Variants in MAP1LC3B observed in about 807,000 individuals in gnomAD.
MAP1LC3B encodes microtubule-associated protein 1 light chain 3 beta.
MAP1LC3B carries 12 observed loss-of-function variants against 16.7 expected under a neutral mutation model. The ratio of observed to expected loss-of-function variants is 0.72; its 90% CI spans 0.46 to 1.16. The LOEUF is 1.16. Ranked by LOEUF, MAP1LC3B falls within the 50% of genes most tolerant of loss-of-function variation. The pLI, the probability that MAP1LC3B is intolerant of heterozygous loss-of-function variation, is 0.00. For synonymous variants in MAP1LC3B, 63 were observed against 56.5 expected, an observed-to-expected ratio of 1.11 and a Z score of -0.51; for missense variants, 155 against 159.5, an observed-to-expected ratio of 0.97 and a Z score of 0.15.
Position 87,398,807 on chromosome 16 carries a change from C to T in MAP1LC3B, c.41-8C>T, listed in dbSNP as rs1597389955. The T allele has an allele frequency of 1.9e-6, 3 of 1,613,984 alleles. No homozygotes were observed. The highest frequency in any genetic ancestry group is 1.1e-5 in the South Asian group (1 of 91,074). ...TAGTAATGCTTCTGTCTCTTCATTT[C>T]ATTGCAGAACAAAGAGTAGAAGATG... On this transcript the variant is annotated splice_polypyrimidine_tract_variant and splice_region_variant and intron_variant, in intron 1 of 3. Transcript: ENST00000268607.
At chr16:87,402,810 G>A (rs1166737479) in intron 3 of MAP1LC3B, 113 bp from the exon 4 acceptor site, 2 of 1,256,400 alleles carry the variant, frequency 1.6e-6, no homozygotes, top group African/African-American at 1.5e-5. Flanking sequence ...TTGGATTCAA[G>A]AGCATTTAGA....
chr16:87,395,528 A>G (rs1425440731), intron 1 of MAP1LC3B, among the ~76,000 whole-genome samples: 1 of 152,128 alleles, frequency 6.6e-6, no homozygotes, highest in Non-Finnish European at 1.5e-5. Context: ...TGTTAAATAT[A>G]CTGTTAGCCT....
In MAP1LC3B at chr16:87,403,120, C is replaced by A. The variant is rs1908055655; in HGVS notation, c.*23C>A. 6.3e-7 allele frequency: 1 copy of A among 1,576,990 alleles called. No homozygotes were observed. Among genetic ancestry groups the A allele is most frequent in the Admixed American group, 1.9e-5 (1 of 51,376 alleles). On this transcript the variant is annotated 3_prime_UTR_variant, in exon 4 of 4. Coordinates refer to ENST00000268607, the MANE Select transcript of MAP1LC3B (RefSeq NM_022818.5). ...TAAAACCAGAAAAAATGCAGCTCTTCTAGAATTGTTTAAACCCTTACCAAG... is the reference window on the plus strand; with the variant it reads ...TAAAACCAGAAAAAATGCAGCTCTTATAGAATTGTTTAAACCCTTACCAAG...
chr16:87,395,953 T>C (rs569301269), intron 1 of MAP1LC3B, among the ~76,000 whole-genome samples: 1 of 143,936 alleles, frequency 6.9e-6, no homozygotes, highest in South Asian at 2.3e-4. Context: ...CTCCGCCTCC[T>C]GGGTTCAAGT....
rs1239320436 is a variant in MAP1LC3B at position 87,402,972 on chromosome 16, G to A, written c.253G>A (p.Gly85Arg). Residue 85 changes from glycine to arginine, a missense_variant, in exon 4 of 4, where the codon GGA becomes AGA. Gly to Arg is a moderately radical substitution (Grantham distance 125, BLOSUM62 -2). Transcript: ENST00000268607. ...ANQAFFLLVN[G>R]HSMVSVSTPI... ...TCAGGCCTTCTTCCTGTTGGTGAAC[G>A]GACACAGCATGGTCAGCGTCTCCAC... 5.0e-6 allele frequency: 8 copies of A among 1,613,818 alleles called. No individual in the cohort carries two copies. In the East Asian group the frequency reaches 1.1e-4, roughly 22 times the overall value.
intron 1 of MAP1LC3B, among the ~76,000 whole-genome samples, chr16:87,397,634 TAA>T (rs1283792004): frequency 6.6e-6 from 1 of 152,094 alleles, no homozygotes; most frequent in Non-Finnish European, 1.5e-5. Flanking sequence ...AGAATGATAC[TAA>T]AATTTTTTTT....
In MAP1LC3B at chr16:87,392,414, C is replaced by A. The variant is rs778769086; in HGVS notation, c.-14C>A. On this transcript the variant is annotated 5_prime_UTR_variant, in exon 1 of 4. Coordinates refer to ENST00000268607, the MANE Select transcript of MAP1LC3B (RefSeq NM_022818.5). ...TCGCGTCGTCGCCGCCGCCGCCGCC[C>A]AGATCCCTGCACCATGCCGTCGGAG... 1.4e-6 allele frequency: 2 copies of A among 1,428,238 alleles called. No individual in the cohort carries two copies. Among genetic ancestry groups the A allele is most frequent in the Non-Finnish European group, 1.8e-6 (2 of 1,100,000 alleles). 88.5% of individuals were successfully genotyped at this position (1,428,238 alleles called of 1,614,324 possible). A position where few individuals can be genotyped will look rare whatever the true frequency, so the allele number is the denominator to read the frequency against.
chr16:87,402,999 C>G lies in MAP1LC3B; in HGVS notation c.280C>G (p.Pro94Ala), dbSNP rs1232106476. ...ACACAGCATGGTCAGCGTCTCCACACCAATCTCAGAGGTGTATGAGAGTGA... is the reference window on the plus strand; with the variant it reads ...ACACAGCATGGTCAGCGTCTCCACAGCAATCTCAGAGGTGTATGAGAGTGA... ...NGHSMVSVSTPISEVYESEKD... is the reference protein window; with the variant it reads ...NGHSMVSVSTAISEVYESEKD... The change falls in exon 4 of 4, where the codon CCA becomes GCA. Residue 94 changes from proline (P) to alanine (A), a missense_variant. Physicochemically the swap from Pro to Ala is conservative, Grantham distance 27 (BLOSUM62 -1). Transcript: ENST00000268607. 2 of 1,614,048 alleles carry G rather than the reference C, an allele frequency of 1.2e-6. No individual in the cohort carries two copies. Among genetic ancestry groups the G allele is most frequent in the Non-Finnish European group, 1.7e-6 (2 of 1,179,938 alleles).
At chr16:87,400,067 G>C (rs184857837) in intron 2 of MAP1LC3B, 1 of 154,736 alleles carries the variant, frequency 6.5e-6, no homozygotes, top group Non-Finnish European at 1.4e-5. Flanking sequence ...TCACCACGCC[G>C]GCCTGATGGC....
Position 87,395,852 on chromosome 16 carries a change from C to CTTTTTTTTTTTTTTTTTT in MAP1LC3B, c.41-2954_41-2937dup. On this transcript the variant is annotated intron_variant, in intron 1 of 3. Coordinates refer to ENST00000268607, the MANE Select transcript of MAP1LC3B (RefSeq NM_022818.5). ...ATAGAGCCTGTTTTTTCCTTCTTTCCTTTTTTTTTTTTTTTTTTTTTTTTT... is the reference window on the plus strand; with the variant it reads ...ATAGAGCCTGTTTTTTCCTTCTTTCCTTTTTTTTTTTTTTTTTTTTTTTTTTTTTTTTTTTTTTTTTTT... Among the ~76,000 whole-genome samples, 2 of 53,836 alleles carry CTTTTTTTTTTTTTTTTTT rather than the reference C, an allele frequency of 3.7e-5. 1 individual carries two copies. Among genetic ancestry groups the CTTTTTTTTTTTTTTTTTT allele is most frequent in the African/African-American group, 1.6e-4 (2 of 12,734 alleles). The allele number at this position is 53,836 out of a possible 152,430, so 35.3% of individuals were successfully genotyped here.
Position 87,402,997 on chromosome 16 carries a change from C to A in MAP1LC3B, c.278C>A (p.Thr93Lys). The change falls in exon 4 of 4, where the codon ACA becomes AAA. Residue 93 changes from threonine (T) to lysine (K), a missense_variant. Physicochemically the swap from Thr to Lys is moderately conservative, Grantham distance 78 (BLOSUM62 -1). Coordinates refer to ENST00000268607, the MANE Select transcript of MAP1LC3B (RefSeq NM_022818.5). ...VNGHSMVSVS[T>K]PISEVYESEK... ...GGACACAGCATGGTCAGCGTCTCCA[C>A]ACCAATCTCAGAGGTGTATGAGAGT... 1 of 1,614,076 alleles carries A rather than the reference C, an allele frequency of 6.2e-7. No individual in the cohort carries two copies.
At position 87,403,874 on chromosome 16, in the gene MAP1LC3B, C is replaced by G. The variant is rs1402910688; in HGVS notation, c.*777C>G. On this transcript the variant is annotated 3_prime_UTR_variant, in exon 4 of 4. Transcript: ENST00000268607. ...TTCTGTTTCAGGTTTTGTCTGAGTT[C>G]AAACTAGTGCCTGTGTTGTTACGGA... 3 of 152,116 alleles carry G rather than the reference C, an allele frequency of 2.0e-5. No homozygotes were observed. The highest frequency in any genetic ancestry group is 4.4e-5 in the Non-Finnish European group (3 of 68,034). The allele number at this position is 152,116 out of a possible 1,614,324, so 9.4% of individuals were successfully genotyped here.
chr16:87,399,833 G>C (rs1907924425), intron 2 of MAP1LC3B: 1 of 274,538 alleles, frequency 3.6e-6, no homozygotes, highest in Non-Finnish European at 7.2e-6. Flanking sequence ...GAGTGTAGTG[G>C]CGCGATCTCG....
chr16:87,399,006 G>C (rs1014709279), intron 2 of MAP1LC3B, 136 bp downstream of exon 2: 1 of 721,030 alleles, frequency 1.4e-6, no homozygotes, highest in Non-Finnish European at 2.4e-6. Flanking sequence ...AACCTAGAGA[G>C]AGGTATCCTT....
intron 2 of MAP1LC3B, among the ~76,000 whole-genome samples, 197 bp from the exon 3 acceptor site, chr16:87,401,978 G>A (rs1023796005): frequency 2.4e-4 from 37 of 152,058 alleles, no homozygotes; most frequent in Non-Finnish European, 3.4e-4. Context: ...GACTACAGGC[G>A]CCCGCCACCA....
intron 1 of MAP1LC3B, among the ~76,000 whole-genome samples, chr16:87,394,993 C>T (rs1907748202): frequency 8.0e-6 from 1 of 125,592 alleles, no homozygotes; most frequent in Non-Finnish European, 1.6e-5. Context: ...GATCCTCCCA[C>T]CTTGGTTTCC....
At chr16:87,402,522 T>C (rs1232449150) in intron 3 of MAP1LC3B, 7 of 565,364 alleles carry the variant, frequency 1.2e-5, no homozygotes, top group Non-Finnish European at 2.2e-5. Context: ...TAACATCGTT[T>C]AGATGTTTCC....
intron 3 of MAP1LC3B, 97 bp downstream of exon 3, chr16:87,402,378 T>G (rs1405561023): frequency 8.7e-7 from 1 of 1,149,602 alleles, no homozygotes; most frequent in African/African-American, 1.6e-5. Flanking sequence ...GTTAAAATCT[T>G]TAAAAAATAT....
intron 1 of MAP1LC3B, among the ~76,000 whole-genome samples, chr16:87,394,746 G>A (rs1907740013): frequency 6.6e-6 from 1 of 152,146 alleles, no homozygotes; most frequent in Non-Finnish European, 1.5e-5. Flanking sequence ...GTGTGTCCTT[G>A]GAGATGTGTT....
Sources: allele counts gnomAD v4.1 joint callset (sites outside exome capture counted in the v4.1 genomes callset), GRCh38; gene constraint gnomAD v4.1.1; transcripts MANE v1.5; gene names NCBI Gene and HGNC (gene_info 2026-07-23, HGNC 2026-07-21).